The following LRCH1 variants were observed in gnomAD, a reference collection of about 807,000 sequenced individuals.
LRCH1 encodes leucine-rich repeat and calponin homology domain-containing protein 1.
Under a neutral mutation model 94.9 loss-of-function variants are expected in LRCH1, and 23 were observed. That is an observed-to-expected ratio of 0.24 (90% CI 0.17 to 0.34). LRCH1 has a LOEUF of 0.34. LRCH1 is among the 10% of genes least tolerant of loss of function. The pLI, the probability that LRCH1 is intolerant of heterozygous loss-of-function variation, is 1.00. For synonymous variants in LRCH1, 364 were observed against 354.9 expected, an observed-to-expected ratio of 1.03 and a Z score of -0.29; for missense variants, 790 against 945.9, an observed-to-expected ratio of 0.84 and a Z score of 2.16.
chr13:46,704,206 G>A (rs1398475674), intron 11 of LRCH1, among the ~76,000 whole-genome samples: 2 of 152,170 alleles, frequency 1.3e-5, no homozygotes, highest in East Asian at 3.9e-4. Flanking sequence ...GAGGACACTT[G>A]AAGATGTCAT....
At chr13:46,722,426 C>T (rs1167817334) in intron 16 of LRCH1, among the ~76,000 whole-genome samples, 1 of 152,182 alleles carries the variant, frequency 6.6e-6, no homozygotes, top group East Asian at 1.9e-4. Flanking sequence ...TTAATTAAAA[C>T]TCTTGCTGTA....
intron 18 of LRCH1, 109 bp from the exon 19 acceptor site, chr13:46,733,812 C>A: frequency 1.7e-6 from 1 of 598,154 alleles, no homozygotes; most frequent in Non-Finnish European, 2.9e-6. Context: ...TTCTTTTGCT[C>A]CAATAAACAT....
At chr13:46,697,100 T>C (rs1033773051) in intron 9 of LRCH1, among the ~76,000 whole-genome samples, 2 of 152,224 alleles carry the variant, frequency 1.3e-5, no homozygotes, top group Non-Finnish European at 2.9e-5. Flanking sequence ...TACATAATCC[T>C]GTTTTCTTTA....
rs1426439806 is a variant in LRCH1, at chr13:46,692,559, C to A, written c.1038C>A (p.Ser346Arg). Reference protein sequence around the residue: ...ATEPSDEDTVSLNVPMSNIME... With the variant: ...ATEPSDEDTVRLNVPMSNIME... ...AGCCTTCTGACGAAGACACTGTTAG[C>A]CTCAATGTGCCAATGTCAAACATCA... The change falls in exon 8 of 20, where the codon AGC (serine) becomes AGA (arginine). Residue 346 changes from serine (S) to arginine (R), a missense_variant. Physicochemically the swap from Ser to Arg is moderately radical, Grantham distance 110. Coordinates refer to ENST00000389797, the MANE Select transcript of LRCH1 (RefSeq NM_001164211.2). The A allele has an allele frequency of 6.2e-7, 1 of 1,613,726 alleles. No homozygotes were observed. The highest frequency in any genetic ancestry group is 8.5e-7 in the Non-Finnish European group (1 of 1,179,786).
At chr13:46,711,910 CAGAAATATATAAT>C in intron 14 of LRCH1, 66 bp downstream of exon 14, 1 of 1,189,256 alleles carries the variant, frequency 8.4e-7, no homozygotes, top group Non-Finnish European at 1.2e-6. Flanking sequence ...ATATCTTTTA[CAGAAATATATAAT>C]CTAAGACTTG....
intron 13 of LRCH1, among the ~76,000 whole-genome samples, chr13:46,708,830 T>G (rs186302941): frequency 5.5e-4 from 84 of 152,368 alleles, no homozygotes; most frequent in African/African-American, 1.9e-3. Flanking sequence ...GATCTCCTCT[T>G]TATTTCTCCT....
intron 18 of LRCH1, among the ~76,000 whole-genome samples, chr13:46,731,957 A>G (rs559688971): frequency 6.6e-6 from 1 of 152,350 alleles, no homozygotes; most frequent in Admixed American, 6.5e-5. Context: ...CATGACAACT[A>G]AGAACTATCC....
intron 1 of LRCH1, among the ~76,000 whole-genome samples, chr13:46,635,379 C>T (rs978486033): frequency 1.5e-4 from 23 of 152,050 alleles, no homozygotes; most frequent in Admixed American, 1.2e-3. Flanking sequence ...TGTCTGCACT[C>T]GCTGGCTAGT....
chr13:46,714,193 A>G (rs1297248731), intron 15 of LRCH1, among the ~76,000 whole-genome samples: 2 of 152,324 alleles, frequency 1.3e-5, no homozygotes, highest in South Asian at 2.1e-4. Flanking sequence ...CAGCCTTTCT[A>G]TAATGCTGAC....
At chr13:46,635,309 C>G (rs530813621) in intron 1 of LRCH1, among the ~76,000 whole-genome samples, 172 of 152,280 alleles carry the variant, frequency 1.1e-3, no homozygotes, top group African/African-American at 4.0e-3. Flanking sequence ...TCTCAGCTAA[C>G]GGGGCTTGCA....
At chr13:46,600,175 C>A (rs1293001758) in intron 1 of LRCH1, among the ~76,000 whole-genome samples, 1 of 152,158 alleles carries the variant, frequency 6.6e-6, no homozygotes, top group African/African-American at 2.4e-5. Flanking sequence ...GCGTGAGCCA[C>A]CACACCCGGC....
At chr13:46,696,208 A>G (rs1022244239) in intron 9 of LRCH1, among the ~76,000 whole-genome samples, 5 of 135,708 alleles carry the variant, frequency 3.7e-5, no homozygotes, top group African/African-American at 1.1e-4. Flanking sequence ...ACACACACAC[A>G]CACACACACA....
rs183933411 is a variant in LRCH1 at position 46,626,810 on chromosome 13, A to G, written c.308-23391A>G. ...ATGGTAATCTATCAAATATATAGCCATTGATATTTTCTTTGTTTTCTTTCA... is the reference window on the plus strand; with the variant it reads ...ATGGTAATCTATCAAATATATAGCCGTTGATATTTTCTTTGTTTTCTTTCA... On this transcript the variant is annotated intron_variant, in intron 1 of 19. Coordinates refer to ENST00000389797, the MANE Select transcript of LRCH1 (RefSeq NM_001164211.2). Among the ~76,000 whole-genome samples, 3 of 152,328 alleles carry G rather than the reference A, an allele frequency of 2.0e-5. No individual in the cohort carries two copies. In the East Asian group the frequency reaches 5.8e-4, roughly 29 times the overall value.
intron 1 of LRCH1, among the ~76,000 whole-genome samples, chr13:46,638,587 G>C (rs9534447): frequency 0.84 from 127,878 of 152,160 alleles, 54,286 homozygotes; most frequent in African/African-American, 0.96. Flanking sequence ...ATAATTTACT[G>C]CAGGTAAAAA....
chr13:46,610,821 A>G (rs965452646), intron 1 of LRCH1, among the ~76,000 whole-genome samples: 3 of 152,232 alleles, frequency 2.0e-5, no homozygotes, highest in African/African-American at 4.8e-5. Context: ...CTTTTCAGAT[A>G]TGTGTCCGTC....
intron 17 of LRCH1, among the ~76,000 whole-genome samples, chr13:46,727,117 A>G (rs893662397): frequency 9.2e-5 from 14 of 152,230 alleles, no homozygotes; most frequent in Admixed American, 6.5e-5. Context: ...AACGATGTAC[A>G]TGGTCGAAGG....
chr13:46,553,842 G>A, intron 1 of LRCH1, 139 bp downstream of exon 1: 1 of 1,489,942 alleles, frequency 6.7e-7, no homozygotes, highest in East Asian at 2.5e-5. Flanking sequence ...TCCCGAAGAA[G>A]GGACTCGCGT....
intron 1 of LRCH1, among the ~76,000 whole-genome samples, chr13:46,633,848 C>T (rs1236043300): frequency 6.6e-6 from 1 of 151,684 alleles, no homozygotes; most frequent in Non-Finnish European, 1.5e-5. Context: ...CTCTCTCCCA[C>T]CATCACCTCC....
intron 3 of LRCH1, among the ~76,000 whole-genome samples, chr13:46,672,038 C>A (rs1007086488): frequency 3.9e-5 from 6 of 152,228 alleles, no homozygotes; most frequent in Non-Finnish European, 7.3e-5. Flanking sequence ...TACAAATCCT[C>A]TGTGTCATCC....
Sources: gnomAD v4.1 joint callset for allele counts (sites outside exome capture counted in the v4.1 genomes callset) on GRCh38, gnomAD v4.1.1 for gene constraint, MANE v1.5 for transcripts, NCBI Gene and HGNC (gene_info 2026-07-23, HGNC 2026-07-21) for gene names.